The following AJAP1 variants were observed in gnomAD, a reference collection of about 807,000 sequenced individuals.
AJAP1 encodes the protein adherens junction-associated protein 1.
AJAP1 carries 5 observed loss-of-function variants against 35.0 expected under a neutral mutation model. The observed-to-expected ratio is 0.14, with a 90% CI of 0.07 to 0.30. The LOEUF is 0.30. AJAP1 is among the 10% of genes least tolerant of loss of function. The pLI, the probability that AJAP1 is intolerant of heterozygous loss-of-function variation, is 1.00. For synonymous variants in AJAP1, 284 were observed against 249.3 expected, an observed-to-expected ratio of 1.14 and a Z score of -1.31; for missense variants, 586 against 571.0, an observed-to-expected ratio of 1.03 and a Z score of -0.27.
At chr1:4,752,450 A>G (rs1197008655) in intron 2 of AJAP1, among the ~76,000 whole-genome samples, 1 of 152,240 alleles carries the variant, frequency 6.6e-6, no homozygotes. Context: ...AAGAATGCCC[A>G]TACCTTCTCT....
intron 1 of AJAP1, among the ~76,000 whole-genome samples, chr1:4,708,724 G>T (rs747360118): frequency 1.3e-5 from 2 of 152,208 alleles, no homozygotes; most frequent in African/African-American, 4.8e-5. Flanking sequence ...AAGCTCAGCC[G>T]TCTTGGTGGC....
In AJAP1 at chr1:4,693,705, G is replaced by A. The variant is rs190541308; in HGVS notation, c.30-18195G>A. Among the ~76,000 whole-genome samples, 148 of 152,316 alleles carry A rather than the reference G, an allele frequency of 9.7e-4. No homozygotes were observed. The highest frequency in any genetic ancestry group is 1.5e-3 in the South Asian group (7 of 4,824). On this transcript the variant is annotated intron_variant, in intron 1 of 5. Coordinates refer to ENST00000378191, the MANE Select transcript of AJAP1 (RefSeq NM_018836.4). This position sits in a 1 kb window ranked among gnomAD's most constrained non-coding sequence, Gnocchi z 4.4. ...ATTTCTCACAGTTCTGGAGGCTGGG[G>A]CACCCAAGGTCAAGGGGCCCACGTC...
rs1181353208 is a variant in AJAP1, at chr1:4,787,649, G to A, written c.*5164G>A. On this transcript the variant is annotated 3_prime_UTR_variant, in exon 6 of 6. Coordinates refer to ENST00000378191, the MANE Select transcript of AJAP1 (RefSeq NM_018836.4). ...GGGCTGCTGCCCTGGTGATGAGCTT[G>A]CCCCATCCCTGGGCACTGGCTCTGC... 1.1e-5 allele frequency: 5 copies of A among 455,922 alleles called. No homozygotes were observed. The highest frequency in any genetic ancestry group is 2.2e-5 in the Non-Finnish European group (5 of 226,872). 28.2% of individuals were successfully genotyped at this position (455,922 alleles called of 1,614,324 possible).
At chr1:4,762,076 A>C (rs997637798) in intron 2 of AJAP1, among the ~76,000 whole-genome samples, 1 of 152,190 alleles carries the variant, frequency 6.6e-6, no homozygotes, top group Non-Finnish European at 1.5e-5. Flanking sequence ...ATTATACATA[A>C]TCTTCAGATA....
Position 4,712,173 on chromosome 1 carries a change from C to G in AJAP1, c.303C>G (p.Ala101=), listed in dbSNP as rs1455864862. The G allele has an allele frequency of 1.3e-6, 2 of 1,565,310 alleles. No homozygotes were observed. Among genetic ancestry groups the G allele is most frequent in the Non-Finnish European group, 1.7e-6 (2 of 1,161,818 alleles). The change falls in exon 2 of 6, where the codon GCC becomes GCG. Residue 101 remains alanine (A), a synonymous_variant. Transcript: ENST00000378191. ...GQMQMPRARR[A]HRPRDQAAAL... is the part of the protein sequence containing the mutation. The stretch of plus-strand genomic sequence containing the variant: ...TGCAGATGCCTCGAGCCAGACGGGC[C>G]CACAGGCCCCGGGACCAGGCGGCCG...
intron 2 of AJAP1, among the ~76,000 whole-genome samples, chr1:4,766,413 G>A (rs1324958998): frequency 2.0e-5 from 3 of 152,180 alleles, no homozygotes; most frequent in Admixed American, 2.0e-4. Flanking sequence ...AACACCACAC[G>A]ACTTCTCCCA....
chr1:4,712,346 T>C lies in AJAP1; in HGVS notation c.476T>C (p.Leu159Pro), dbSNP rs2100267115. 2 of 1,502,158 alleles carry C rather than the reference T, an allele frequency of 1.3e-6. No homozygotes were observed. Among genetic ancestry groups the C allele is most frequent in the East Asian group, 4.8e-5 (2 of 41,286 alleles). 93.1% of individuals were successfully genotyped at this position (1,502,158 alleles called of 1,614,324 possible). ...CTCCTGAGGAGGGGCAAGAGGCACC[T>C]GCAGGGGGACGGTCTCAGCAGCTTC... ...QALLRRGKRH[L>P]QGDGLSSFDS... is the part of the protein sequence containing the mutation. The change falls in exon 2 of 6, where the codon CTG becomes CCG. Residue 159 changes from leucine to proline, a missense_variant. Coordinates refer to ENST00000378191, the MANE Select transcript of AJAP1 (RefSeq NM_018836.4).
intron 1 of AJAP1, 115 bp from the exon 2 acceptor site, chr1:4,711,785 T>C: frequency 1.2e-6 from 1 of 807,700 alleles, no homozygotes; most frequent in Non-Finnish European, 1.9e-6. Context: ...AGGAGCTCTT[T>C]CCAGAAGAAG....
rs1459398617 is a variant in AJAP1 at position 4,790,278 on chromosome 1, A to C, written c.*7793A>C. ...AACACCATTCTCTATTATTTCTCTC[A>C]CATACATGTGGATTTCTAATATCAA... is the stretch of plus-strand genomic sequence containing the variant. On this transcript the variant is annotated 3_prime_UTR_variant, in exon 6 of 6. Coordinates refer to ENST00000378191, the MANE Select transcript of AJAP1 (RefSeq NM_018836.4). 6.6e-6 allele frequency: 1 copy of C among 152,212 alleles called. No homozygotes were observed. Among genetic ancestry groups the C allele is most frequent in the African/African-American group, 2.4e-5 (1 of 41,460 alleles). 9.4% of individuals were successfully genotyped at this position (152,212 alleles called of 1,614,324 possible).
At chr1:4,739,688 G>C (rs1641012521) in intron 2 of AJAP1, among the ~76,000 whole-genome samples, 1 of 152,178 alleles carries the variant, frequency 6.6e-6, no homozygotes, top group Non-Finnish European at 1.5e-5. Flanking sequence ...CATCTGAAGA[G>C]GGGGAGGAGG....
At chr1:4,719,032 T>C (rs1420587883) in intron 2 of AJAP1, among the ~76,000 whole-genome samples, 1 of 152,170 alleles carries the variant, frequency 6.6e-6, no homozygotes, top group Non-Finnish European at 1.5e-5. Context: ...ATCATGAATG[T>C]CACAAAACCC....
intron 2 of AJAP1, among the ~76,000 whole-genome samples, chr1:4,746,191 G>A (rs1471719018): frequency 2.0e-5 from 3 of 152,126 alleles, no homozygotes; most frequent in Non-Finnish European, 4.4e-5. Flanking sequence ...TCGGACGGTG[G>A]CTGCATCTCC....
intron 2 of AJAP1, among the ~76,000 whole-genome samples, chr1:4,740,535 C>T (rs1327945020): frequency 2.6e-5 from 4 of 151,934 alleles, no homozygotes; most frequent in African/African-American, 9.7e-5. Context: ...CCTGTCATCC[C>T]AGCACTTTGG....
intron 2 of AJAP1, among the ~76,000 whole-genome samples, chr1:4,748,283 G>A (rs1242621846): frequency 6.6e-6 from 1 of 152,178 alleles, no homozygotes; most frequent in Non-Finnish European, 1.5e-5. Context: ...CATCACGTGC[G>A]TGATCACCCT....
intron 5 of AJAP1, among the ~76,000 whole-genome samples, chr1:4,779,380 G>A (rs1642017451): frequency 6.6e-6 from 1 of 150,712 alleles, no homozygotes; most frequent in South Asian, 2.1e-4. Flanking sequence ...CTGTCGCCCA[G>A]GCTGGAGTGC....
intron 1 of AJAP1, among the ~76,000 whole-genome samples, chr1:4,666,579 T>G (rs1447291385): frequency 1.3e-4 from 11 of 87,834 alleles, no homozygotes; most frequent in Admixed American, 3.5e-4. Flanking sequence ...ACGGGAGGGG[T>G]GCGGAGAGGG....
intron 2 of AJAP1, among the ~76,000 whole-genome samples, chr1:4,757,526 C>T (rs569039700): frequency 2.0e-5 from 3 of 152,324 alleles, no homozygotes; most frequent in African/African-American, 7.2e-5. Context: ...AGCATCCTGG[C>T]ATGAGTGTGG....
chr1:4,759,005 A>G (rs1398935211), intron 2 of AJAP1, among the ~76,000 whole-genome samples: 2 of 152,214 alleles, frequency 1.3e-5, no homozygotes, highest in Non-Finnish European at 2.9e-5. Context: ...TCAGGTCGGG[A>G]TGCAGGTTGA....
chr1:4,750,875 A>G (rs1025143645), intron 2 of AJAP1, among the ~76,000 whole-genome samples: 27 of 146,830 alleles, frequency 1.8e-4, no homozygotes, highest in Admixed American at 6.9e-5. Flanking sequence ...AGCTGGTGGC[A>G]TACTAGATGG....
Sources: allele counts gnomAD v4.1 joint callset (sites outside exome capture counted in the v4.1 genomes callset), GRCh38; gene constraint gnomAD v4.1.1; non-coding constraint Gnocchi (gnomAD v3.1); transcripts MANE v1.5; gene names NCBI Gene and HGNC (gene_info 2026-07-23, HGNC 2026-07-21).